Variants in KCNN2 observed in about 807,000 individuals in gnomAD.
KCNN2 encodes the protein potassium calcium-activated channel subfamily N member 2.
Under a neutral mutation model 55.5 loss-of-function variants are expected in KCNN2, and 24 were observed. That is an observed-to-expected ratio of 0.43 (90% CI 0.31 to 0.61). The LOEUF is 0.61. KCNN2 is among the 20% of genes least tolerant of loss of function. The pLI is 0.08. For missense variants in KCNN2, 754 were observed against 853.6 expected, an observed-to-expected ratio of 0.88 and a Z score of 1.45; for synonymous variants, 431 against 336.1, an observed-to-expected ratio of 1.28 and a Z score of -3.09.
chr5:114,370,313 G>A (rs1167725474), intron 2 of KCNN2, among the ~76,000 whole-genome samples: 1 of 152,068 alleles, frequency 6.6e-6, no homozygotes, highest in East Asian at 1.9e-4. Flanking sequence ...ACGTTCAGGT[G>A]AAGTCTCATT....
chr5:114,064,416 G>GTTCTCCCT (rs1750396711), intron 1 of KCNN2, among the ~76,000 whole-genome samples: 7 of 152,214 alleles, frequency 4.6e-5, no homozygotes, highest in Admixed American at 4.6e-4. Flanking sequence ...ATGCTAGAGG[G>GTTCTCCCT]AGAACCATTC....
chr5:114,250,509 GT>G (rs1361807790), intron 2 of KCNN2, among the ~76,000 whole-genome samples: 1 of 152,178 alleles, frequency 6.6e-6, no homozygotes, highest in African/African-American at 2.4e-5. Flanking sequence ...GCTTTGATGT[GT>G]CAGAACAACA....
At chr5:114,410,783 G>C (rs541879189) in intron 3 of KCNN2, among the ~76,000 whole-genome samples, 1 of 152,156 alleles carries the variant, frequency 6.6e-6, no homozygotes, top group African/African-American at 2.4e-5. Context: ...GGTAATGTTT[G>C]GAATGGAAAA....
chr5:114,461,447 T>A (rs1447321897), intron 3 of KCNN2, among the ~76,000 whole-genome samples: 1 of 152,082 alleles, frequency 6.6e-6, no homozygotes, highest in Non-Finnish European at 1.5e-5. Context: ...CACATGCCCT[T>A]CCCTTTGATT....
At chr5:114,485,650 A>G (rs955851291) in intron 5 of KCNN2, among the ~76,000 whole-genome samples, 1 of 152,134 alleles carries the variant, frequency 6.6e-6, no homozygotes, top group African/African-American at 2.4e-5. Flanking sequence ...TTCTGTGTCA[A>G]TCATTTTTCT....
chr5:114,148,312 CTGTT>C (rs1752446425), intron 1 of KCNN2, among the ~76,000 whole-genome samples: 1 of 152,188 alleles, frequency 6.6e-6, no homozygotes, highest in Non-Finnish European at 1.5e-5. Flanking sequence ...GCTCTTAAGT[CTGTT>C]ACCATCCTCC....
At position 114,496,181 on chromosome 5, in the gene KCNN2, A is replaced by G; in HGVS notation, c.2375A>G (p.Ter792TrpextTer5). Residue 792 changes from the stop codon to tryptophan (W), a stop_lost, in exon 8 of 8, where the codon TAG becomes TGG. Coordinates refer to ENST00000673685, the MANE Select transcript of KCNN2 (RefSeq NM_021614.4). Reference sequence around the variant, plus strand: ...CCACCAACTTCATCAGAGAGTAGCTAGAAGAGAATAAGTTAACCACAAAAT... The same window carrying G: ...CCACCAACTTCATCAGAGAGTAGCTGGAAGAGAATAAGTTAACCACAAAAT... ...TAPPTSSESS[*>W] The G allele has an allele frequency of 6.2e-7, 1 of 1,613,242 alleles. No homozygotes were observed. Among genetic ancestry groups the G allele is most frequent in the Non-Finnish European group, 8.5e-7 (1 of 1,179,508 alleles).
At chr5:114,142,075 G>A (rs1477733999) in intron 1 of KCNN2, among the ~76,000 whole-genome samples, 2 of 152,134 alleles carry the variant, frequency 1.3e-5, no homozygotes, top group African/African-American at 4.8e-5. Flanking sequence ...CTCCCATTCT[G>A]TATGTTGCCA....
At chr5:114,486,094 G>GT (rs1561414733) in intron 5 of KCNN2, among the ~76,000 whole-genome samples, 3 of 152,182 alleles carry the variant, frequency 2.0e-5, no homozygotes, top group South Asian at 2.1e-4. Context: ...TCAGCTCATT[G>GT]TTTTGTCTTC....
chr5:114,389,476 C>T (rs1469218790), intron 2 of KCNN2, among the ~76,000 whole-genome samples: 1 of 152,110 alleles, frequency 6.6e-6, no homozygotes, highest in African/African-American at 2.4e-5. Context: ...TTCTCTTCTC[C>T]AAGATGGAGA....
At chr5:114,073,949 T>G (rs1475128356) in intron 1 of KCNN2, among the ~76,000 whole-genome samples, 1 of 152,088 alleles carries the variant, frequency 6.6e-6, no homozygotes, top group Admixed American at 6.5e-5. Context: ...TGACATAGGG[T>G]TTCATTTAAT....
chr5:114,223,283 G>C (rs1196204784), intron 2 of KCNN2, among the ~76,000 whole-genome samples: 1 of 152,150 alleles, frequency 6.6e-6, no homozygotes, highest in Non-Finnish European at 1.5e-5. Context: ...AAGACATACA[G>C]TGAGGATTCT....
intron 1 of KCNN2, among the ~76,000 whole-genome samples, chr5:114,103,932 G>A (rs1751425693): frequency 6.6e-6 from 1 of 152,006 alleles, no homozygotes; most frequent in South Asian, 2.1e-4. Context: ...GGATGATGCT[G>A]GCCTCATAAA....
At chr5:114,477,963 G>A (rs558093552) in intron 5 of KCNN2, among the ~76,000 whole-genome samples, 119 of 152,212 alleles carry the variant, frequency 7.8e-4, no homozygotes, top group African/African-American at 2.7e-3. Context: ...AATTCTAAAG[G>A]ATTTATTTCA....
At chr5:114,172,946 C>T (rs758356300) in intron 1 of KCNN2, among the ~76,000 whole-genome samples, 9 of 151,728 alleles carry the variant, frequency 5.9e-5, no homozygotes, top group African/African-American at 9.7e-5. Context: ...GATATGATCC[C>T]GTTTGTCCAT....
At chr5:114,272,158 T>C (rs1423218368) in intron 2 of KCNN2, among the ~76,000 whole-genome samples, 4 of 152,068 alleles carry the variant, frequency 2.6e-5, no homozygotes, top group South Asian at 2.1e-4. Context: ...TCTCATTCTC[T>C]ATCTGCCACC....
chr5:114,341,155 A>T (rs1757008660), intron 2 of KCNN2, among the ~76,000 whole-genome samples: 1 of 152,194 alleles, frequency 6.6e-6, no homozygotes, highest in Non-Finnish European at 1.5e-5. Context: ...AAGCTGGAAA[A>T]ATATTTACAA....
intron 2 of KCNN2, among the ~76,000 whole-genome samples, chr5:114,335,889 G>A (rs565453095): frequency 5.3e-5 from 8 of 152,284 alleles, no homozygotes; most frequent in Admixed American, 3.9e-4. Context: ...CAGAAACTAC[G>A]AGGTCATGTG....
intron 2 of KCNN2, among the ~76,000 whole-genome samples, chr5:114,340,522 T>C (rs2150036310): frequency 6.6e-6 from 1 of 152,282 alleles, no homozygotes. Context: ...AGCCAGAATA[T>C]AATCTACATT....
Sources: allele counts gnomAD v4.1 joint callset (sites outside exome capture counted in the v4.1 genomes callset), GRCh38; gene constraint gnomAD v4.1.1; transcripts MANE v1.5; gene names NCBI Gene and HGNC (gene_info 2026-07-23, HGNC 2026-07-21).